MNDA: variants seen among roughly 807,000 people sequenced by gnomAD.
The protein encoded by MNDA is epididymis secretory sperm binding protein.
A neutral mutation model predicts 37.8 loss-of-function variants in MNDA; 43 were observed. The observed-to-expected ratio is 1.14, with a 90% confidence interval of 0.89 to 1.47. MNDA has a LOEUF of 1.47. Among genes scored for constraint, MNDA ranks in the 40% most tolerant of loss-of-function variants. The pLI is 0.00. For synonymous variants in MNDA, 181 were observed against 169.0 expected, an observed-to-expected ratio of 1.07 and a Z score of -0.55; for missense variants, 536 against 476.0, an observed-to-expected ratio of 1.13 and a Z score of -1.17.
intron 4 of MNDA, 52 bp downstream of exon 4, chr1:158,844,174 C>G: frequency 1.5e-6 from 2 of 1,365,038 alleles, no homozygotes; most frequent in Non-Finnish European, 2.0e-6. Context: ...AGTCACAGTG[C>G]ATTCCACTGT....
At chr1:158,844,456 T>C (rs1269673486) in intron 4 of MNDA, among the ~76,000 whole-genome samples, 2 of 150,570 alleles carry the variant, frequency 1.3e-5, no homozygotes, top group Non-Finnish European at 3.0e-5. Flanking sequence ...TCTGCCAACG[T>C]TCTCTTCAGA....
At chr1:158,845,563 T>C (rs775907571) in intron 4 of MNDA, 24 bp from the exon 5 acceptor site, 7 of 1,584,626 alleles carry the variant, frequency 4.4e-6, no homozygotes, top group Non-Finnish European at 6.0e-6. Flanking sequence ...TTTAAGTTTA[T>C]TTTCTTGTGT....
intron 6 of MNDA, 97 bp downstream of exon 6, chr1:158,848,013 TC>T: frequency 9.0e-7 from 1 of 1,115,646 alleles, no homozygotes; most frequent in Non-Finnish European, 1.3e-6. Flanking sequence ...ACTCAGAGAG[TC>T]CAGCGAGTGG....
At chr1:158,841,637 C>T (rs911042060) in intron 1 of MNDA, among the ~76,000 whole-genome samples, 2 of 152,088 alleles carry the variant, frequency 1.3e-5, no homozygotes, top group Non-Finnish European at 2.9e-5. Context: ...TTCCACAACT[C>T]AGAACTGTAG....
chr1:158,845,637 C>T lies in MNDA; in HGVS notation c.621C>T (p.Pro207=). ...QRQVDARRNV[P]QNDPVTVVVL... is the part of the protein sequence containing the mutation. ...AGGTGGATGCAAGAAGAAATGTTCCCCAAAACGACCCAGTGACAGTGGTGG... is the reference window on the plus strand; with the variant it reads ...AGGTGGATGCAAGAAGAAATGTTCCTCAAAACGACCCAGTGACAGTGGTGG... Residue 207 remains proline (P), a synonymous_variant, in exon 5 of 7, where the codon CCC becomes CCT. Transcript: ENST00000368141. The T allele has an allele frequency of 6.2e-7, 1 of 1,613,818 alleles. No individual in the cohort carries two copies. The highest frequency in any genetic ancestry group is 8.5e-7 in the Non-Finnish European group (1 of 1,179,862).
At position 158,842,242 on chromosome 1, in the gene MNDA, C is replaced by T; in HGVS notation, c.89C>T (p.Ala30Val). 1 of 1,613,716 alleles carries T rather than the reference C, an allele frequency of 6.2e-7. No individual in the cohort carries two copies. Among genetic ancestry groups the T allele is most frequent in the Non-Finnish European group, 8.5e-7 (1 of 1,179,692 alleles). ...YHFTSIKSLL[A>V]YDLGLTTKMQ... is the part of the protein sequence containing the mutation. ...TTTACATCAATTAAGTCCTTACTGG[C>T]CTATGATTTAGGACTAACTACAAAA... is the stretch of plus-strand genomic sequence containing the variant. Residue 30 changes from alanine to valine, a missense_variant, in exon 2 of 7, where the codon GCC (alanine) becomes GTC (valine). Ala to Val is a moderately conservative substitution (Grantham distance 64). Transcript: ENST00000368141.
intron 5 of MNDA, among the ~76,000 whole-genome samples, chr1:158,846,664 T>C (rs943995719): frequency 7.9e-5 from 12 of 152,196 alleles, no homozygotes; most frequent in Non-Finnish European, 1.5e-4. Flanking sequence ...TATTGATATG[T>C]CCATGTCCAA....
chr1:158,846,643 G>C (rs1659140124), intron 5 of MNDA, among the ~76,000 whole-genome samples: 1 of 151,998 alleles, frequency 6.6e-6, no homozygotes, highest in Non-Finnish European at 1.5e-5. Context: ...TAATTCCAAG[G>C]CACAGAGTTT....
chr1:158,841,778 G>C (rs1283825041), intron 1 of MNDA, among the ~76,000 whole-genome samples: 3 of 152,022 alleles, frequency 2.0e-5, no homozygotes, highest in African/African-American at 7.2e-5. Flanking sequence ...CAAGAGGTAG[G>C]CATTGAGGGA....
chr1:158,832,120 T>G (rs1237524861), intron 1 of MNDA, among the ~76,000 whole-genome samples: 2 of 152,132 alleles, frequency 1.3e-5, no homozygotes, highest in African/African-American at 4.8e-5. Flanking sequence ...ATAATTCTCT[T>G]TTTCAAATGG....
chr1:158,836,142 A>T (rs1242332389), intron 1 of MNDA, among the ~76,000 whole-genome samples: 6 of 72,436 alleles, frequency 8.3e-5, no homozygotes, highest in Non-Finnish European at 1.8e-4. Context: ...AGCATTTTGT[A>T]AAAAAAAAAT....
At chr1:158,832,699 T>C (rs1658828020) in intron 1 of MNDA, among the ~76,000 whole-genome samples, 1 of 151,904 alleles carries the variant, frequency 6.6e-6, no homozygotes, top group Non-Finnish European at 1.5e-5. Flanking sequence ...AAGCCTATTT[T>C]AAGCTACACT....
At chr1:158,843,781 C>T (rs1332459161) in intron 3 of MNDA, among the ~76,000 whole-genome samples, 174 bp from the exon 4 acceptor site, 5 of 152,116 alleles carry the variant, frequency 3.3e-5, no homozygotes, top group Non-Finnish European at 7.3e-5. Flanking sequence ...ACAATCTATG[C>T]CCAATATTAT....
Position 158,849,448 on chromosome 1 carries a change from A to C in MNDA, c.*211A>C. 2.1e-6 allele frequency: 1 copy of C among 476,698 alleles called. No individual in the cohort carries two copies. The highest frequency in any genetic ancestry group is 3.4e-5 in the South Asian group (1 of 29,534). The allele number at this position is 476,698 out of a possible 1,614,324, so 29.5% of individuals were successfully genotyped here. A position where few individuals can be genotyped will look rare whatever the true frequency, so the allele number is the denominator to read the frequency against. On this transcript the variant is annotated 3_prime_UTR_variant, in exon 7 of 7. Coordinates refer to ENST00000368141, the MANE Select transcript of MNDA (RefSeq NM_002432.3). ...ACTCTTCCTTTTTTTTAGATATTAC[A>C]TTTTGCTTTTATGACATTCACGAGG...
chr1:158,847,730 A>T lies in MNDA; in HGVS notation c.990A>T (p.Lys330Asn), dbSNP rs1281209854. ...AGGATGTTAATCTTCTTTTGCAGAA[A>T]AGCGTACACAAGAAGAACACAATTT... ...MVYGLFMLQK[K>N]SVHKKNTIYE... The change falls in exon 6 of 7, where the codon AAA becomes AAT. Residue 330 changes from lysine to asparagine, a missense_variant and splice_region_variant. Transcript: ENST00000368141. 6.2e-7 allele frequency: 1 copy of T among 1,609,746 alleles called. No individual in the cohort carries two copies.
chr1:158,838,933 T>C (rs1658974882), intron 1 of MNDA, among the ~76,000 whole-genome samples: 1 of 152,186 alleles, frequency 6.6e-6, no homozygotes, highest in Non-Finnish European at 1.5e-5. Context: ...TTTTTTCTGG[T>C]AATTTCTATT....
At chr1:158,844,933 A>G (rs772962150) in intron 4 of MNDA, among the ~76,000 whole-genome samples, 41 of 152,124 alleles carry the variant, frequency 2.7e-4, no homozygotes, top group Non-Finnish European at 3.5e-4. Context: ...TCTTCACAAC[A>G]ATGTTTTCAT....
intron 1 of MNDA, among the ~76,000 whole-genome samples, chr1:158,838,002 A>G (rs1003896396): frequency 3.3e-5 from 5 of 151,646 alleles, no homozygotes; most frequent in Non-Finnish European, 7.4e-5. Context: ...CAGCTCCCCA[A>G]CACATATTTT....
rs140390501 is a variant in MNDA, at chr1:158,842,301, G to C, written c.148G>C (p.Asp50His). The C allele has an allele frequency of 1.3e-4, 214 of 1,614,008 alleles. No homozygotes were observed. Among genetic ancestry groups the C allele is most frequent in the Non-Finnish European group, 1.7e-4 (203 of 1,179,998 alleles). Residue 50 changes from aspartate to histidine, a missense_variant, in exon 2 of 7, where the codon GAT (aspartate) becomes CAT (histidine). By Grantham distance (81) the Asp-to-His change is moderately conservative. Coordinates refer to ENST00000368141, the MANE Select transcript of MNDA (RefSeq NM_002432.3). ...QEEYNRIKIT[D>H]LMEKKFQGVA... The stretch of plus-strand genomic sequence containing the variant: ...GGAATACAACAGAATTAAGATTACA[G>C]ATTTGATGGAAAAAAAGTTCCAAGG...
Sources: gnomAD v4.1 joint callset for allele counts (sites outside exome capture counted in the v4.1 genomes callset) on GRCh38, gnomAD v4.1.1 for gene constraint, MANE v1.5 for transcripts, NCBI Gene and HGNC (gene_info 2026-07-23, HGNC 2026-07-21) for gene names.